Variants in DDX47 observed in about 807,000 individuals in gnomAD.
The protein encoded by DDX47 is DEAD-box helicase 47.
In DDX47, 60 loss-of-function variants were observed where a neutral mutation model predicts 58.8. The observed-to-expected ratio is 1.02, with a 90% CI of 0.83 to 1.26. The LOEUF is 1.26. DDX47 is among the 50% of genes most tolerant of loss of function. The probability of loss-of-function intolerance (pLI) is 0.00; values close to 1 mark genes in which losing one functional copy is unlikely to be tolerated. For missense variants in DDX47, 530 were observed against 573.2 expected, an observed-to-expected ratio of 0.92 and a Z score of 0.77; for synonymous variants, 197 against 204.6, an observed-to-expected ratio of 0.96 and a Z score of 0.32.
rs150651316 is a variant in DDX47, at chr12:12,821,312, C to A, written c.286C>A (p.Leu96Ile). ...LLETPQRLFA[L>I]VLTPTRELAF... is the part of the protein sequence containing the mutation. ...GGAGACCCCGCAGCGTTTGTTTGCCCTAGTTCTTACCCCGACTCGGGAGCT... is the reference window on the plus strand; with the variant it reads ...GGAGACCCCGCAGCGTTTGTTTGCCATAGTTCTTACCCCGACTCGGGAGCT... Residue 96 changes from leucine (L) to isoleucine (I), a missense_variant, in exon 3 of 12, where the codon CTA becomes ATA. Coordinates refer to ENST00000358007, the MANE Select transcript of DDX47 (RefSeq NM_016355.4). The A allele has an allele frequency of 5.3e-5, 86 of 1,614,172 alleles. No homozygotes were observed. The African/African-American group carries it at 1.1e-3, about 21-fold the overall frequency.
At chr12:12,814,319 G>A (rs962677972) in intron 2 of DDX47, 95 bp downstream of exon 2, 6 of 815,466 alleles carry the variant, frequency 7.4e-6, no homozygotes, top group African/African-American at 6.7e-5. Flanking sequence ...AGTGAAATAA[G>A]GATATGGTCA....
Position 12,829,682 on chromosome 12 carries a change from T to C in DDX47, c.*128T>C. 8.3e-7 allele frequency: 1 copy of C among 1,201,854 alleles called. No individual in the cohort carries two copies. The highest frequency in any genetic ancestry group is 2.9e-5 in the Admixed American group (1 of 33,924). 74.4% of individuals were successfully genotyped at this position (1,201,854 alleles called of 1,614,324 possible). ...TCCAGAATGTGCTCAGCTAATTCAG[T>C]ATTCTTCCCCATTCTGGGTTGGAGT... On this transcript the variant is annotated 3_prime_UTR_variant, in exon 12 of 12. Coordinates refer to ENST00000358007, the MANE Select transcript of DDX47 (RefSeq NM_016355.4).
At chr12:12,824,818 A>G (rs1863026617) in intron 9 of DDX47, 141 bp downstream of exon 9, 2 of 816,310 alleles carry the variant, frequency 2.5e-6, no homozygotes, top group Non-Finnish European at 1.9e-6. Context: ...TGGTTAGTTC[A>G]TTCACATCAT....
intron 2 of DDX47, among the ~76,000 whole-genome samples, chr12:12,818,993 A>G (rs924998829): frequency 6.6e-6 from 1 of 152,162 alleles, no homozygotes; most frequent in African/African-American, 2.4e-5. Flanking sequence ...GACACAGCCA[A>G]ACCATATCAC....
chr12:12,824,183 C>T, intron 8 of DDX47, 167 bp downstream of exon 8: 2 of 862,638 alleles, frequency 2.3e-6, no homozygotes, highest in Non-Finnish European at 3.4e-6. Flanking sequence ...TTTCTCCTTT[C>T]AGGGTAGCGA....
chr12:12,814,206 A>T lies in DDX47; in HGVS notation c.163A>T (p.Ile55Phe). The T allele has an allele frequency of 6.2e-7, 1 of 1,611,312 alleles. No homozygotes were observed. The highest frequency in any genetic ancestry group is 8.5e-7 in the Non-Finnish European group (1 of 1,177,420). The change falls in exon 2 of 12, where the codon ATT becomes TTT. Residue 55 changes from isoleucine (I) to phenylalanine (F), a missense_variant. Coordinates refer to ENST00000358007, the MANE Select transcript of DDX47 (RefSeq NM_016355.4). ...TKPTKIQIEA[I>F]PLALQGRDII... ...ACCCACCAAGATCCAGATTGAAGCT[A>T]TTCCTTTGGCCTTACAAGGTAGGTT...
chr12:12,826,186 C>A, intron 10 of DDX47, 116 bp downstream of exon 10: 1 of 776,338 alleles, frequency 1.3e-6, no homozygotes, highest in Non-Finnish European at 2.0e-6. Flanking sequence ...TACTGAAAAC[C>A]AGGATGAAGG....
At chr12:12,816,184 T>A (rs566982993) in intron 2 of DDX47, among the ~76,000 whole-genome samples, 1 of 152,254 alleles carries the variant, frequency 6.6e-6, no homozygotes, top group Non-Finnish European at 1.5e-5. Context: ...ATTTTGGATA[T>A]CAATGAGATA....
At position 12,829,654 on chromosome 12, in the gene DDX47, G is replaced by T; in HGVS notation, c.*100G>T. Reference sequence around the variant, plus strand: ...CATGAGACTGAAATTGGTCAGAATTGTGTCCAGAATGTGCTCAGCTAATTC... The same window carrying T: ...CATGAGACTGAAATTGGTCAGAATTTTGTCCAGAATGTGCTCAGCTAATTC... On this transcript the variant is annotated 3_prime_UTR_variant, in exon 12 of 12. Coordinates refer to ENST00000358007, the MANE Select transcript of DDX47 (RefSeq NM_016355.4). 1.4e-6 allele frequency: 2 copies of T among 1,442,294 alleles called. No individual in the cohort carries two copies. The highest frequency in any genetic ancestry group is 2.8e-5 in the South Asian group (2 of 70,732). The allele number at this position is 1,442,294 out of a possible 1,614,324, so 89.3% of individuals were successfully genotyped here. A position where few individuals can be genotyped will look rare whatever the true frequency, so the allele number is the denominator to read the frequency against.
At chr12:12,819,875 A>C (rs1440840221) in intron 2 of DDX47, among the ~76,000 whole-genome samples, 1 of 152,084 alleles carries the variant, frequency 6.6e-6, no homozygotes, top group African/African-American at 2.4e-5. Context: ...GGCCACCATC[A>C]TATCTCCCCT....
intron 10 of DDX47, 80 bp downstream of exon 10, chr12:12,826,150 A>G: frequency 1.8e-6 from 2 of 1,112,692 alleles, no homozygotes; most frequent in Non-Finnish European, 2.6e-6. Flanking sequence ...ACCTGACACT[A>G]CCATTTACTA....
intron 6 of DDX47, 117 bp from the exon 7 acceptor site, chr12:12,823,086 G>A (rs967390622): frequency 4.5e-5 from 33 of 741,088 alleles, no homozygotes; most frequent in Admixed American, 1.3e-4. Flanking sequence ...GGTCCCTCCC[G>A]TGACATGTGG....
At chr12:12,825,155 G>C (rs1565448082) in intron 9 of DDX47, 1 of 154,066 alleles carries the variant, frequency 6.5e-6, no homozygotes, top group Non-Finnish European at 1.4e-5. Context: ...TTTTAGTAGA[G>C]ATGGGGTTTC....
intron 4 of DDX47, 31 bp from the exon 5 acceptor site, chr12:12,821,934 G>A (rs1862979424): frequency 6.5e-6 from 9 of 1,379,844 alleles, no homozygotes; most frequent in Non-Finnish European, 9.3e-6. Flanking sequence ...GTTCTGAAAT[G>A]TCACTGTTTC....
Position 12,821,871 on chromosome 12 carries a change from G to A in DDX47, c.443-94G>A, listed in dbSNP as rs1862977442. 3 of 1,131,280 alleles carry A rather than the reference G, an allele frequency of 2.7e-6. No individual in the cohort carries two copies. The Admixed American group carries it at 6.0e-5, about 23-fold the overall frequency. 70.1% of individuals were successfully genotyped at this position (1,131,280 alleles called of 1,614,324 possible). On this transcript the variant is annotated intron_variant, in intron 4 of 11. Coordinates refer to ENST00000358007, the MANE Select transcript of DDX47 (RefSeq NM_016355.4). ...TAAGTTAAATTTGGTGGAGAGCTGT[G>A]GGGTGGGGCAGATAACTTTATTTGT...
chr12:12,823,413 A>G (rs1863003049), intron 7 of DDX47, 94 bp downstream of exon 7: 2 of 802,398 alleles, frequency 2.5e-6, no homozygotes, highest in East Asian at 2.4e-5. Flanking sequence ...AAGAGCTGTA[A>G]TGCAGATTGG....
chr12:12,814,080 G>T, intron 1 of DDX47, 51 bp from the exon 2 acceptor site: 1 of 1,108,394 alleles, frequency 9.0e-7, no homozygotes, highest in South Asian at 1.2e-5. Flanking sequence ...AAGTAGGAGG[G>T]AGGTAGGGGT....
chr12:12,818,149 T>G (rs1862923836), intron 2 of DDX47, among the ~76,000 whole-genome samples: 1 of 152,200 alleles, frequency 6.6e-6, no homozygotes, highest in Non-Finnish European at 1.5e-5. Context: ...TTACCTACCC[T>G]GCCACTGGGA....
In DDX47 at chr12:12,822,065, T is replaced by C; in HGVS notation, c.543T>C (p.Asn181=). 2 of 1,612,210 alleles carry C rather than the reference T, an allele frequency of 1.2e-6. No homozygotes were observed. Among genetic ancestry groups the C allele is most frequent in the Non-Finnish European group, 1.7e-6 (2 of 1,178,324 alleles). The change falls in exon 5 of 12, where the codon AAT becomes AAC. Residue 181 remains asparagine (N), a synonymous_variant. Coordinates refer to ENST00000358007, the MANE Select transcript of DDX47 (RefSeq NM_016355.4). ...LVMDEADRIL[N]MDFETEVDKI... ...TGGATGAAGCCGACCGAATACTGAA[T>C]ATGGATTTTGAGACAGAGGTGAGCT...
Sources: gnomAD v4.1 joint callset for allele counts (sites outside exome capture counted in the v4.1 genomes callset) on GRCh38, gnomAD v4.1.1 for gene constraint, MANE v1.5 for transcripts, NCBI Gene and HGNC (gene_info 2026-07-23, HGNC 2026-07-21) for gene names.